The following MAP2 variants were observed in gnomAD, a reference collection of about 807,000 sequenced individuals.
The protein encoded by MAP2 is microtubule associated protein 2.
Under a neutral mutation model 137.6 loss-of-function variants are expected in MAP2, and 14 were observed. That is an observed-to-expected ratio of 0.10 (90% CI 0.07 to 0.16). MAP2 has a LOEUF of 0.16. MAP2 is among the 10% of genes least tolerant of loss of function. MAP2 has a pLI of 1.00. For missense variants in MAP2, 2,088 were observed against 2,191.5 expected (o/e 0.95, Z 0.94); for synonymous variants, 786 against 782.3 (o/e 1.00, Z -0.08).
intron 11 of MAP2, chr2:209,704,588 G>C (rs1481341993): frequency 1.2e-6 from 2 of 1,607,902 alleles, no homozygotes; most frequent in Non-Finnish European, 1.7e-6. Context: ...AGGCTCCACA[G>C]ACCGTTTGCC....
At chr2:209,628,439 G>T (rs1003835460) in intron 4 of MAP2, among the ~76,000 whole-genome samples, 1 of 152,154 alleles carries the variant, frequency 6.6e-6, no homozygotes, top group Non-Finnish European at 1.5e-5. Context: ...ACTCAGAGTA[G>T]ATAATTACAG....
intron 5 of MAP2, 121 bp downstream of exon 5, chr2:209,653,553 T>C (rs2094939371): frequency 9.9e-7 from 1 of 1,007,338 alleles, no homozygotes; most frequent in African/African-American, 1.6e-5. Context: ...GAAATTCCAG[T>C]CAGTCAGAGG....
chr2:209,597,522 G>A (rs1030615829), intron 3 of MAP2, among the ~76,000 whole-genome samples: 1 of 152,030 alleles, frequency 6.6e-6, no homozygotes, highest in Non-Finnish European at 1.5e-5. Context: ...ATCAACCCTT[G>A]CTTCACAGGC....
intron 5 of MAP2, among the ~76,000 whole-genome samples, chr2:209,662,335 C>T (rs931748998): frequency 1.3e-5 from 2 of 152,196 alleles, no homozygotes; most frequent in African/African-American, 4.8e-5. Context: ...GTCAGAACTA[C>T]ATCACAAGCG....
At chr2:209,537,169 GTC>G (rs2066091931) in intron 2 of MAP2, among the ~76,000 whole-genome samples, 1 of 152,182 alleles carries the variant, frequency 6.6e-6, no homozygotes, top group Non-Finnish European at 1.5e-5. Flanking sequence ...CTCACTTTGT[GTC>G]TCTGTGTCAC....
intron 3 of MAP2, among the ~76,000 whole-genome samples, chr2:209,604,305 A>G (rs1350914976): frequency 1.3e-5 from 2 of 152,172 alleles, no homozygotes; most frequent in Non-Finnish European, 2.9e-5. Flanking sequence ...TCCTTGTCTT[A>G]ATCTGCACTA....
At chr2:209,545,896 T>G (rs1008867529) in intron 2 of MAP2, among the ~76,000 whole-genome samples, 3 of 152,164 alleles carry the variant, frequency 2.0e-5, no homozygotes, top group Non-Finnish European at 4.4e-5. Context: ...ATCCCAGCAC[T>G]TTGGGAGGCC....
intron 4 of MAP2, among the ~76,000 whole-genome samples, chr2:209,633,384 G>A (rs912638862): frequency 5.9e-5 from 9 of 152,072 alleles, no homozygotes; most frequent in South Asian, 2.1e-4. Context: ...TCATCTTGGC[G>A]TGTCATTATT....
intron 4 of MAP2, among the ~76,000 whole-genome samples, chr2:209,626,297 C>A (rs569732152): frequency 6.6e-6 from 1 of 152,164 alleles, no homozygotes; most frequent in Admixed American, 6.5e-5. Context: ...CACCTGTAAT[C>A]CCAGCTACTG....
At chr2:209,435,923 T>C (rs1695825815) in intron 1 of MAP2, among the ~76,000 whole-genome samples, 1 of 141,346 alleles carries the variant, frequency 7.1e-6, no homozygotes. Context: ...ATGCCAAATA[T>C]ATATATTATA....
intron 7 of MAP2, among the ~76,000 whole-genome samples, chr2:209,682,094 CT>C (rs888290058): frequency 4.6e-5 from 7 of 151,998 alleles, no homozygotes; most frequent in African/African-American, 7.3e-5. Context: ...TGAAAAGTTC[CT>C]TTTGACCTTA....
intron 1 of MAP2, among the ~76,000 whole-genome samples, chr2:209,455,368 C>G (rs1156809686): frequency 6.6e-6 from 1 of 152,164 alleles, no homozygotes; most frequent in African/African-American, 2.4e-5. Flanking sequence ...TGAACAATCA[C>G]ATTTTAAAGG....
intron 2 of MAP2, among the ~76,000 whole-genome samples, chr2:209,560,402 T>C (rs1346561995): frequency 3.9e-5 from 6 of 152,168 alleles, no homozygotes; most frequent in Admixed American, 6.5e-5. Flanking sequence ...ATTGCAAACA[T>C]ATAACTTCTT....
intron 2 of MAP2, among the ~76,000 whole-genome samples, chr2:209,544,983 G>A (rs1047134054): frequency 6.6e-6 from 1 of 152,098 alleles, no homozygotes; most frequent in African/African-American, 2.4e-5. Flanking sequence ...ACCAGAACAT[G>A]AGCAGTGTGA....
chr2:209,718,992 T>C (rs1446698905), intron 13 of MAP2, among the ~76,000 whole-genome samples: 1 of 152,158 alleles, frequency 6.6e-6, no homozygotes, highest in African/African-American at 2.4e-5. Flanking sequence ...AGAGGCGAAA[T>C]AGTTTTCCTT....
In MAP2 at chr2:209,693,419, C is replaced by A. The variant is rs769252782; in HGVS notation, c.1249C>A (p.Gln417Lys). ...VLEEEKEAIN[Q>K]ETVQQRDTFT... The stretch of plus-strand genomic sequence containing the variant: ...AGAGGAAGAAAAGGAGGCCATAAAT[C>A]AAGAGACTGTGCAGCAAAGGGATAC... Residue 417 changes from glutamine to lysine, a missense_variant, in exon 8 of 16, where the codon CAA (glutamine) becomes AAA (lysine). Physicochemically the swap from Gln to Lys is moderately conservative, Grantham distance 53. This residue lies in a region of MAP2 where 859 missense variants were observed against 794.5 expected (regional missense o/e 1.08). Transcript: ENST00000682079. 6.2e-7 allele frequency: 1 copy of A among 1,613,718 alleles called. No individual in the cohort carries two copies. Among genetic ancestry groups the A allele is most frequent in the Non-Finnish European group, 8.5e-7 (1 of 1,179,928 alleles).
chr2:209,487,063 A>G (rs2058480647), intron 1 of MAP2, among the ~76,000 whole-genome samples: 1 of 152,244 alleles, frequency 6.6e-6, no homozygotes, highest in African/African-American at 2.4e-5. Context: ...CAATGATAAT[A>G]TTAAAATGTA....
chr2:209,524,510 A>G (rs1057225147), intron 2 of MAP2, among the ~76,000 whole-genome samples: 1 of 152,144 alleles, frequency 6.6e-6, no homozygotes, highest in Non-Finnish European at 1.5e-5. Context: ...AAACATTAAG[A>G]TAATAGCAAT....
chr2:209,721,123 C>T (rs973489209), intron 13 of MAP2, among the ~76,000 whole-genome samples: 2 of 152,016 alleles, frequency 1.3e-5, no homozygotes, highest in Non-Finnish European at 2.9e-5. Context: ...AATTTTGCTA[C>T]GGCATAAATA....
Sources: allele counts gnomAD v4.1 joint callset (sites outside exome capture counted in the v4.1 genomes callset), GRCh38; gene constraint gnomAD v4.1.1; regional missense constraint gnomAD v4.1.1; transcripts MANE v1.5; gene names NCBI Gene and HGNC (gene_info 2026-07-23, HGNC 2026-07-21).